Variants in EFHD1 observed in about 807,000 individuals in gnomAD.
EFHD1 encodes EF-hand domain-containing protein D1.
EFHD1 carries 10 observed loss-of-function variants against 17.2 expected under a neutral mutation model. The observed-to-expected ratio is 0.58, with a 90% CI of 0.36 to 0.99. EFHD1 has a LOEUF of 0.99. Among genes scored for constraint, EFHD1 ranks in the 50% least tolerant of loss-of-function variants. EFHD1 has a pLI of 0.01. For missense variants in EFHD1, 310 were observed against 327.5 expected (o/e 0.95, Z 0.41); for synonymous variants, 153 against 142.0 (o/e 1.08, Z -0.55).
At chr2:232,679,186 G>A (rs1035226479) in intron 3 of EFHD1, among the ~76,000 whole-genome samples, 5 of 152,170 alleles carry the variant, frequency 3.3e-5, no homozygotes, top group Non-Finnish European at 7.3e-5. Context: ...AACCTCGGGG[G>A]TTTAGAAGAC....
chr2:232,615,330 T>TGTGTGA (rs35601457), intron 1 of EFHD1, among the ~76,000 whole-genome samples: 6,831 of 141,162 alleles, frequency 0.048, 192 homozygotes, highest in Non-Finnish European at 0.069. Flanking sequence ...TGTGTGTGTG[T>TGTGTGA]GTGTGTGTGT....
intron 1 of EFHD1, among the ~76,000 whole-genome samples, chr2:232,620,921 T>C (rs1694007238): frequency 6.6e-6 from 1 of 151,916 alleles, no homozygotes; most frequent in African/African-American, 2.4e-5. Context: ...CACATCTGCT[T>C]AGGAATATAG....
intron 1 of EFHD1, among the ~76,000 whole-genome samples, chr2:232,635,064 C>T (rs1476058578): frequency 1.3e-5 from 2 of 152,232 alleles, no homozygotes; most frequent in Non-Finnish European, 2.9e-5. Context: ...GGAGCCTCCG[C>T]CTCCTCTGCC....
chr2:232,615,334 T>TGA (rs71056282), intron 1 of EFHD1, among the ~76,000 whole-genome samples: 39,184 of 149,400 alleles, frequency 0.26, 6,504 homozygotes, highest in Middle Eastern at 0.43. Context: ...TGTGTGTGTG[T>TGA]GTGTGTGTGT....
At chr2:232,647,430 C>T (rs1367129786) in intron 1 of EFHD1, among the ~76,000 whole-genome samples, 3 of 152,326 alleles carry the variant, frequency 2.0e-5, no homozygotes, top group Non-Finnish European at 2.9e-5. Context: ...ACCCCCTCGT[C>T]GGGGCCTCCC....
rs138926483 is a variant in EFHD1 at position 232,672,371 on chromosome 2, G to A, written c.513G>A (p.Ala171=). The change falls in exon 3 of 4, where the codon GCG becomes GCA. Residue 171 remains alanine, a synonymous_variant. Coordinates refer to ENST00000264059, the MANE Select transcript of EFHD1 (RefSeq NM_025202.4). Reference sequence around the variant, plus strand: ...TGCAGGAGGACAGTGGGCTGATGGCGCTGGCAAAGCTTTCTGAGATCGATG... The same window carrying A: ...TGCAGGAGGACAGTGGGCTGATGGCACTGGCAAAGCTTTCTGAGATCGATG... ...GELQEDSGLM[A]LAKLSEIDVA... 36 of 1,614,000 alleles carry A rather than the reference G, an allele frequency of 2.2e-5. No individual in the cohort carries two copies. Among genetic ancestry groups the A allele is most frequent in the African/African-American group, 2.7e-5 (2 of 74,922 alleles).
intron 1 of EFHD1, among the ~76,000 whole-genome samples, chr2:232,624,677 G>A (rs1017998517): frequency 5.3e-5 from 8 of 152,250 alleles, no homozygotes; most frequent in African/African-American, 1.9e-4. Context: ...TTTCCCAAAT[G>A]TAAACAAAGG....
intron 1 of EFHD1, among the ~76,000 whole-genome samples, chr2:232,636,202 T>C (rs1348587461): frequency 6.6e-6 from 1 of 152,218 alleles, no homozygotes. Flanking sequence ...TTGTTTTCTA[T>C]TGGATTACCT....
At chr2:232,619,692 C>T (rs1553595201) in intron 1 of EFHD1, among the ~76,000 whole-genome samples, 1 of 152,048 alleles carries the variant, frequency 6.6e-6, no homozygotes, top group Non-Finnish European at 1.5e-5. Context: ...GGTGGTTGCG[C>T]AACACTAGGA....
chr2:232,644,106 C>T (rs4072148), intron 1 of EFHD1, among the ~76,000 whole-genome samples: 1 of 152,140 alleles, frequency 6.6e-6, no homozygotes, highest in African/African-American at 2.4e-5. Context: ...TTTCAGGGAA[C>T]CCCTCCTTCC....
intron 1 of EFHD1, among the ~76,000 whole-genome samples, chr2:232,639,770 G>C (rs1694391791): frequency 6.6e-6 from 1 of 152,118 alleles, no homozygotes; most frequent in Non-Finnish European, 1.5e-5. Flanking sequence ...ATCTTAGTTA[G>C]GAGCCCAGCA....
chr2:232,645,476 A>C (rs1694510980), intron 1 of EFHD1, among the ~76,000 whole-genome samples: 1 of 152,152 alleles, frequency 6.6e-6, no homozygotes, highest in African/African-American at 2.4e-5. Context: ...CCCTGATCAA[A>C]AAAATCTGGC....
chr2:232,636,754 T>C (rs1378265915), intron 1 of EFHD1, among the ~76,000 whole-genome samples: 2 of 151,778 alleles, frequency 1.3e-5, no homozygotes, highest in Non-Finnish European at 2.9e-5. Context: ...ACCTGGGAGG[T>C]GGAGGTTGCA....
intron 1 of EFHD1, among the ~76,000 whole-genome samples, chr2:232,650,458 C>A (rs1483170630): frequency 1.3e-5 from 2 of 150,726 alleles, no homozygotes; most frequent in Non-Finnish European, 2.9e-5. Flanking sequence ...CCACACACGG[C>A]TAATTTTGTA....
intron 1 of EFHD1, among the ~76,000 whole-genome samples, chr2:232,651,757 T>C (rs1694658286): frequency 6.6e-6 from 1 of 152,204 alleles, no homozygotes; most frequent in African/African-American, 2.4e-5. Flanking sequence ...CGAAGGCGGA[T>C]GTTGTAGTGA....
chr2:232,609,879 G>C (rs181631925), intron 1 of EFHD1, among the ~76,000 whole-genome samples: 1 of 152,218 alleles, frequency 6.6e-6, no homozygotes, highest in African/African-American at 2.4e-5. Flanking sequence ...AAGCTCCTCC[G>C]GGTCTCCTTT....
chr2:232,635,610 G>T (rs947138697), intron 1 of EFHD1, among the ~76,000 whole-genome samples: 3 of 152,182 alleles, frequency 2.0e-5, no homozygotes, highest in African/African-American at 7.2e-5. Context: ...CCTGGGGTCA[G>T]GAGTTCAAGA....
chr2:232,646,929 C>T (rs1044203790), intron 1 of EFHD1, among the ~76,000 whole-genome samples: 1 of 152,256 alleles, frequency 6.6e-6, no homozygotes, highest in Non-Finnish European at 1.5e-5. Flanking sequence ...CTGAGCTCTG[C>T]CAGCTGTAGC....
intron 1 of EFHD1, among the ~76,000 whole-genome samples, chr2:232,636,330 G>C (rs1471925864): frequency 1.3e-5 from 2 of 152,080 alleles, no homozygotes; most frequent in African/African-American, 4.8e-5. Context: ...AGGTTCCTTG[G>C]GCAGCTTATT....
Sources: gnomAD v4.1 joint callset for allele counts (sites outside exome capture counted in the v4.1 genomes callset) on GRCh38, gnomAD v4.1.1 for gene constraint, MANE v1.5 for transcripts, NCBI Gene and HGNC (gene_info 2026-07-23, HGNC 2026-07-21) for gene names.